IL25: variants seen among roughly 807,000 people sequenced by gnomAD.
The protein encoded by IL25 is interleukin-25.
IL25 carries 10 observed loss-of-function variants against 13.2 expected under a neutral mutation model. The ratio of observed to expected loss-of-function variants is 0.76; its 90% CI spans 0.47 to 1.29. The LOEUF (loss-of-function observed/expected upper bound fraction) is 1.29. IL25 is among the 50% of genes most tolerant of loss of function. The probability of loss-of-function intolerance (pLI) is 0.00; values close to 1 mark genes in which losing one functional copy is unlikely to be tolerated. For synonymous variants in IL25, 107 were observed against 92.1 expected, an observed-to-expected ratio of 1.16 and a Z score of -0.93; for missense variants, 235 against 232.4, an observed-to-expected ratio of 1.01 and a Z score of -0.07.
At chr14:23,373,234 G>T in exon 1 of IL25, 1 of 1,614,236 alleles carries the variant, frequency 6.2e-7, no homozygotes, top group Non-Finnish European at 8.5e-7. Context: ...TGGCCCAGCT[G>T]CTGCCCCAGC....
chr14:23,375,692 G>A lies in IL25; in HGVS notation c.346G>A (p.Val116Ile), dbSNP rs144470149. ...CGCCCGTTGCCTGTGCCCGCACTGC[G>A]TCAGCCTACAGACAGGCTCCCACAT... The change falls in exon 2 of 2, where the codon GTC becomes ATC. Residue 116 changes from valine (V) to isoleucine (I), a missense_variant. Transcript: ENST00000329715. 857 of 1,614,160 alleles carry A rather than the reference G, an allele frequency of 5.3e-4. 5 individuals carry two copies. Among genetic ancestry groups the A allele is most frequent in the South Asian group, 9.9e-4 (90 of 91,074 alleles).
At chr14:23,376,046 T>C in exon 2 of IL25, 1 of 870,706 alleles carries the variant, frequency 1.1e-6, no homozygotes, top group Non-Finnish European at 1.7e-6. Context: ...CCTGCACTTC[T>C]GCACATTTTG....
At chr14:23,375,817 G>A in exon 2 of IL25, 2 of 1,614,250 alleles carry the variant, frequency 1.2e-6, no homozygotes, top group Non-Finnish European at 1.7e-6. Flanking sequence ...GCTACTGCCT[G>A]GAGCGCAGGC....
chr14:23,375,316 T>C (rs1890513876), intron 1 of IL25, among the ~76,000 whole-genome samples: 1 of 152,228 alleles, frequency 6.6e-6, no homozygotes, highest in Non-Finnish European at 1.5e-5. Context: ...AACCTCATGC[T>C]GAGTCAGATA....
chr14:23,373,292 T>G, exon 1 of IL25: 2 of 1,614,186 alleles, frequency 1.2e-6, no homozygotes, highest in South Asian at 1.1e-5. Flanking sequence ...GCACTGTGCC[T>G]GTGCCTCCCC....
exon 2 of IL25, chr14:23,376,068 T>C (rs1890550380): frequency 1.2e-5 from 9 of 754,534 alleles, no homozygotes. Flanking sequence ...AAAGAGCAGC[T>C]GCTGCTTAGG....
chr14:23,375,614 C>G lies in IL25; in HGVS notation c.279-11C>G, dbSNP rs745828729. 2 of 1,609,942 alleles carry G rather than the reference C, an allele frequency of 1.2e-6. No homozygotes were observed. Among genetic ancestry groups the G allele is most frequent in the East Asian group, 4.5e-5 (2 of 44,778 alleles). On this transcript the variant is annotated splice_polypyrimidine_tract_variant and intron_variant, in intron 1 of 1. Transcript: ENST00000329715. ...CATCTTTCCAAGGCCTGACAAGTGCCGCCCCCACAGGTTGGACAGAGACTT... is the reference window on the plus strand; with the variant it reads ...CATCTTTCCAAGGCCTGACAAGTGCGGCCCCCACAGGTTGGACAGAGACTT...
chr14:23,375,549 C>G, intron 1 of IL25, 76 bp from the exon 3 acceptor site: 1 of 1,531,480 alleles, frequency 6.5e-7, no homozygotes. Flanking sequence ...TTTCCTTCTT[C>G]TGGCACTCCC....
intron 1 of IL25, among the ~76,000 whole-genome samples, chr14:23,373,955 C>T (rs1229339562): frequency 6.6e-6 from 1 of 152,136 alleles, no homozygotes; most frequent in African/African-American, 2.4e-5. Context: ...CAGTGTGCCA[C>T]ATAAATATTA....
chr14:23,374,737 T>C lies in IL25; in HGVS notation c.279-888T>C, dbSNP rs1265367737. ...ATCTTTCTTTCTTTCTTTCTTTTTT[T>C]TTTTTTGCCATGAAATCCTTTCAGA... On this transcript the variant is annotated intron_variant, in intron 1 of 1. Coordinates refer to ENST00000329715, the Ensembl canonical transcript of IL25. 2.9e-3 allele frequency among the ~76,000 whole-genome samples: 440 copies of C among 151,700 alleles called. 4 individuals carry two copies. The highest frequency in any genetic ancestry group is 9.4e-3 in the African/African-American group (389 of 41,212).
chr14:23,373,081 G>T, exon 1 of IL25: 1 of 1,613,980 alleles, frequency 6.2e-7, no homozygotes, highest in Non-Finnish European at 8.5e-7. Context: ...TGGGGGCCAA[G>T]TGGAGTGAGA....
At chr14:23,373,101 C>A (rs374250641) in exon 1 of IL25, 3 of 1,613,712 alleles carry the variant, frequency 1.9e-6, no homozygotes, top group Non-Finnish European at 1.7e-6. Context: ...AAACTGGGAT[C>A]CCAGGGGGAG....
At chr14:23,374,578 G>T (rs998368762) in intron 1 of IL25, among the ~76,000 whole-genome samples, 2 of 152,206 alleles carry the variant, frequency 1.3e-5, no homozygotes, top group African/African-American at 2.4e-5. Context: ...AACCCACTTT[G>T]GGAAGTGATG....
chr14:23,372,980 G>A lies in IL25; in HGVS notation c.-139G>A, dbSNP rs201608670. 9.9e-6 allele frequency: 16 copies of A among 1,613,838 alleles called. No homozygotes were observed. In the African/African-American group the frequency reaches 1.7e-4, roughly 17 times the overall value. On this transcript the variant is annotated 5_prime_UTR_variant, in exon 1 of 2. Transcript: ENST00000329715. ...GCAGTGCCCAGCATGTACCAGGTCA[G>A]TGCAGAGGGCTGCCTGAGGGCTGTG...
chr14:23,373,133 C>T (rs765854532), exon 1 of IL25: 2 of 1,614,134 alleles, frequency 1.2e-6, no homozygotes, highest in Non-Finnish European at 1.7e-6. Flanking sequence ...GGGAGCGACC[C>T]AGATTAGGTG....
rs776839088 is a variant in IL25, at chr14:23,375,804, A to G, written c.458A>G (p.Lys153Arg). ...TGCCATGGCGAGAAGGGCACCCACA[A>G]GGGCTACTGCCTGGAGCGCAGGCTG... Residue 153 changes from lysine (K) to arginine (R), a missense_variant, in exon 2 of 2, where the codon AAG (lysine) becomes AGG (arginine). Coordinates refer to ENST00000329715, the Ensembl canonical transcript of IL25. The G allele has an allele frequency of 4.3e-5, 69 of 1,614,118 alleles. No individual in the cohort carries two copies. Among genetic ancestry groups the G allele is most frequent in the Middle Eastern group, 1.6e-4 (1 of 6,084 alleles).
chr14:23,372,861 G>A, exon 1 of IL25: 1 of 1,061,694 alleles, frequency 9.4e-7, no homozygotes. Context: ...AAACAAAACA[G>A]GCTTGCTGAA....
intron 1 of IL25, among the ~76,000 whole-genome samples, chr14:23,374,448 T>C (rs1890486071): frequency 6.6e-6 from 1 of 152,192 alleles, no homozygotes; most frequent in African/African-American, 2.4e-5. Context: ...TCCTACCCCT[T>C]GGAGATTCAT....
At chr14:23,376,230 C>A (rs372408949) in exon 2 of IL25, 6 of 278,536 alleles carry the variant, frequency 2.2e-5, no homozygotes, top group African/African-American at 1.3e-4. Context: ...TTCCCCCTTG[C>A]TGGAGAAGAA....
Sources: gnomAD v4.1 joint callset for allele counts (sites outside exome capture counted in the v4.1 genomes callset) on GRCh38, gnomAD v4.1.1 for gene constraint, MANE v1.5 for transcripts, NCBI Gene and HGNC (gene_info 2026-07-23, HGNC 2026-07-21) for gene names.